The following TSEN2 variants were observed in gnomAD, a reference collection of about 807,000 sequenced individuals.
The protein encoded by TSEN2 is tRNA splicing endonuclease subunit 2, also known as tRNA-splicing endonuclease subunit Sen2.
TSEN2 carries 54 observed loss-of-function variants against 59.2 expected under a neutral mutation model. That is an observed-to-expected ratio of 0.91 (90% confidence interval 0.73 to 1.14). The LOEUF is 1.14. Among genes scored for constraint, TSEN2 ranks in the 50% most tolerant of loss-of-function variants. The probability of loss-of-function intolerance (pLI) is 0.00; values close to 1 mark genes in which losing one functional copy is unlikely to be tolerated. For missense variants in TSEN2, 636 were observed against 576.2 expected (o/e 1.10, Z -1.06); for synonymous variants, 195 against 198.2 (o/e 0.98, Z 0.14).
chr3:12,527,456 C>CTTTT lies in TSEN2; in HGVS notation c.1100-1420_1100-1417dup, dbSNP rs757613935. Among the ~76,000 whole-genome samples the CTTTT allele has an allele frequency of 9.8e-4, 129 of 132,086 alleles. 3 individuals are homozygous for CTTTT. The South Asian group carries it at 0.028, about 29-fold the overall frequency. The allele number at this position is 132,086 out of a possible 152,430, so 86.7% of individuals were successfully genotyped here. A position where few individuals can be genotyped will look rare whatever the true frequency, so the allele number is the denominator to read the frequency against. On this transcript the variant is annotated intron_variant, in intron 8 of 11. Coordinates refer to ENST00000284995, the MANE Select transcript of TSEN2 (RefSeq NM_025265.4). Reference sequence around the variant, plus strand: ...CCTTGAACTTTTCTTTTTTTTTTTTCTTTTTTTTTTTTTTTGAGACGGAGT... The same window carrying CTTTT: ...CCTTGAACTTTTCTTTTTTTTTTTTCTTTTTTTTTTTTTTTTTTTGAGACGGAGT...
chr3:12,528,584 G>A (rs566739620), intron 8 of TSEN2, among the ~76,000 whole-genome samples: 1 of 152,176 alleles, frequency 6.6e-6, no homozygotes, highest in Non-Finnish European at 1.5e-5. Context: ...GCTGCGTGTG[G>A]TGGTGCACGC....
intron 5 of TSEN2, among the ~76,000 whole-genome samples, 189 bp downstream of exon 5, chr3:12,503,973 A>T (rs530395835): frequency 7.2e-5 from 11 of 152,266 alleles, no homozygotes; most frequent in Admixed American, 2.6e-4. Flanking sequence ...AATAACTTTT[A>T]AAAAAATTTA....
At chr3:12,500,375 T>A (rs1047691389) in intron 4 of TSEN2, among the ~76,000 whole-genome samples, 8 of 152,266 alleles carry the variant, frequency 5.3e-5, no homozygotes, top group Non-Finnish European at 8.8e-5. Context: ...TCCTTTGACT[T>A]TTCATAGCGA....
At chr3:12,491,506 C>T (rs1013239751) in intron 2 of TSEN2, among the ~76,000 whole-genome samples, 11 of 152,154 alleles carry the variant, frequency 7.2e-5, no homozygotes, top group African/African-American at 2.2e-4. Context: ...CCTTCAGGCA[C>T]ACTGTGTTCC....
At chr3:12,503,057 A>G (rs1389819028) in intron 4 of TSEN2, among the ~76,000 whole-genome samples, 1 of 152,164 alleles carries the variant, frequency 6.6e-6, no homozygotes, top group Non-Finnish European at 1.5e-5. Context: ...GCAACAGAGC[A>G]AGACTCCATC....
At chr3:12,532,344 A>G (rs2057515418) in intron 11 of TSEN2, among the ~76,000 whole-genome samples, 1 of 152,208 alleles carries the variant, frequency 6.6e-6, no homozygotes, top group Non-Finnish European at 1.5e-5. Flanking sequence ...CGTTACAGCA[A>G]TGCCATCACA....
intron 6 of TSEN2, among the ~76,000 whole-genome samples, chr3:12,507,750 C>T (rs953050026): frequency 4.6e-5 from 7 of 152,168 alleles, no homozygotes; most frequent in Non-Finnish European, 1.0e-4. Flanking sequence ...TTGTCAGTAT[C>T]GCTCTTCCTG....
intron 3 of TSEN2, 61 bp from the exon 4 acceptor site, chr3:12,496,457 T>C: frequency 6.5e-7 from 1 of 1,543,914 alleles, no homozygotes; most frequent in Non-Finnish European, 9.0e-7. Flanking sequence ...TTCCTAGATT[T>C]TTAGTGTTTG....
chr3:12,484,204 G>A (rs1252567318), upstream of TSEN2, among the ~76,000 whole-genome samples: 1 of 152,230 alleles, frequency 6.6e-6, no homozygotes, highest in Non-Finnish European at 1.5e-5. Flanking sequence ...CACCTCCCAC[G>A]TGACTATGTG....
chr3:12,497,402 C>G (rs1296463778), intron 4 of TSEN2, among the ~76,000 whole-genome samples: 1 of 152,210 alleles, frequency 6.6e-6, no homozygotes, highest in African/African-American at 2.4e-5. Context: ...TTTTTGGTTA[C>G]ATGCTTGGCA....
chr3:12,512,114 T>C (rs1392931105), intron 6 of TSEN2, among the ~76,000 whole-genome samples: 1 of 152,238 alleles, frequency 6.6e-6, no homozygotes, highest in Non-Finnish European at 1.5e-5. Context: ...TAGTGTGATA[T>C]GTGTGAGGTC....
At chr3:12,523,068 A>C (rs1453739740) in intron 8 of TSEN2, among the ~76,000 whole-genome samples, 1 of 152,192 alleles carries the variant, frequency 6.6e-6, no homozygotes, top group Non-Finnish European at 1.5e-5. Flanking sequence ...TGGAGTACTT[A>C]ACAGCTCGTT....
chr3:12,530,915 C>A, intron 10 of TSEN2: 1 of 234,824 alleles, frequency 4.3e-6, no homozygotes, highest in Non-Finnish European at 7.0e-6. Context: ...CATTCTCATG[C>A]TGCTATAAAG....
chr3:12,483,588 G>A (rs761720045), upstream of TSEN2, among the ~76,000 whole-genome samples: 1 of 152,142 alleles, frequency 6.6e-6, no homozygotes, highest in Non-Finnish European at 1.5e-5. Flanking sequence ...CATGCGTGAA[G>A]GAATGGAGGC....
upstream of TSEN2, among the ~76,000 whole-genome samples, chr3:12,480,538 T>TG (rs1296557810): frequency 7.0e-5 from 10 of 142,586 alleles, no homozygotes; most frequent in Non-Finnish European, 1.4e-4. Flanking sequence ...GTTTTTTTTT[T>TG]TTTTTTTTTT....
intron 8 of TSEN2, among the ~76,000 whole-genome samples, chr3:12,526,105 A>G (rs933880526): frequency 6.6e-6 from 1 of 152,054 alleles, no homozygotes; most frequent in African/African-American, 2.4e-5. Flanking sequence ...TTGGGAGGAC[A>G]AGGCGAACGG....
chr3:12,537,593 C>G (rs1265708019), downstream of TSEN2, among the ~76,000 whole-genome samples: 1 of 152,144 alleles, frequency 6.6e-6, no homozygotes, highest in East Asian at 1.9e-4. Flanking sequence ...GACCCAGTTT[C>G]TGCACATACT....
intron 3 of TSEN2, among the ~76,000 whole-genome samples, chr3:12,493,652 G>A (rs1196412338): frequency 2.6e-5 from 4 of 152,128 alleles, no homozygotes; most frequent in South Asian, 2.1e-4. Context: ...ACTTGAACCC[G>A]AGAGGCAGAG....
At chr3:12,486,007 C>G (rs776599633) in intron 1 of TSEN2, among the ~76,000 whole-genome samples, 1 of 152,136 alleles carries the variant, frequency 6.6e-6, no homozygotes, top group Non-Finnish European at 1.5e-5. Flanking sequence ...TCTAAGTAAT[C>G]TAGAGAAGAC....
Sources: allele counts gnomAD v4.1 joint callset (sites outside exome capture counted in the v4.1 genomes callset), GRCh38; gene constraint gnomAD v4.1.1; transcripts MANE v1.5; gene names NCBI Gene and HGNC (gene_info 2026-07-23, HGNC 2026-07-21).